The following DTX4 variants were observed in gnomAD, a reference collection of about 807,000 sequenced individuals.
The protein encoded by DTX4 is E3 ubiquitin-protein ligase DTX4.
A neutral mutation model predicts 57.6 loss-of-function variants in DTX4; 28 were observed. The ratio of observed to expected loss-of-function variants is 0.49; its 90% CI spans 0.36 to 0.67. DTX4 has a LOEUF of 0.67. Among genes scored for constraint, DTX4 ranks in the 30% least tolerant of loss-of-function variants. The pLI is 0.00. For synonymous variants in DTX4, 316 were observed against 331.0 expected (o/e 0.95, Z 0.49); for missense variants, 715 against 836.8 (o/e 0.85, Z 1.80).
chr11:59,190,188 C>T (rs1299557733), intron 4 of DTX4, among the ~76,000 whole-genome samples: 2 of 152,186 alleles, frequency 1.3e-5, no homozygotes, highest in Admixed American at 6.5e-5. Flanking sequence ...TTTTCCAGTC[C>T]GTCAAGATTT....
Position 59,182,328 on chromosome 11 carries a change from T to C in DTX4, c.801T>C (p.Thr267=). ...VIRRQASSMP[T]GTTMGSPASP... is the part of the protein sequence containing the mutation. ...GGAGACAAGCCTCCAGCATGCCCAC[T>C]GGGACAACCATGGGCTCTCCTGCCA... Residue 267 remains threonine (T), a synonymous_variant, in exon 2 of 9, where the codon ACT becomes ACC. Transcript: ENST00000227451. The C allele has an allele frequency of 6.2e-7, 1 of 1,612,706 alleles. No homozygotes were observed. The highest frequency in any genetic ancestry group is 2.2e-5 in the East Asian group (1 of 44,846).
chr11:59,207,855 A>G lies in DTX4; in HGVS notation c.*2946A>G, dbSNP rs1207568882. 3 of 151,154 alleles carry G rather than the reference A, an allele frequency of 2.0e-5. No individual in the cohort carries two copies. Among genetic ancestry groups the G allele is most frequent in the Admixed American group, 6.6e-5 (1 of 15,180 alleles). The allele number at this position is 151,154 out of a possible 1,614,324, so 9.4% of individuals were successfully genotyped here. A position where few individuals can be genotyped will look rare whatever the true frequency, so the allele number is the denominator to read the frequency against. Reference sequence around the variant, plus strand: ...GCCTTTGTGTTTTCATTCTCTTCCCATTTTTGTACATTTTGGTCTTCTCTG... The same window carrying G: ...GCCTTTGTGTTTTCATTCTCTTCCCGTTTTTGTACATTTTGGTCTTCTCTG... On this transcript the variant is annotated 3_prime_UTR_variant, in exon 9 of 9. Transcript: ENST00000227451.
chr11:59,201,247 C>G (rs562338515), intron 8 of DTX4, among the ~76,000 whole-genome samples: 61 of 152,348 alleles, frequency 4.0e-4, no homozygotes, highest in African/African-American at 1.5e-3. Context: ...CTAATCACCT[C>G]TCCAAGGACC....
chr11:59,198,018 G>A (rs2135524847), intron 7 of DTX4, among the ~76,000 whole-genome samples: 1 of 152,300 alleles, frequency 6.6e-6, no homozygotes, highest in South Asian at 2.1e-4. Context: ...CCACTGTTAG[G>A]ATCTACATTC....
At chr11:59,194,312 A>T (rs891795095) in intron 6 of DTX4, among the ~76,000 whole-genome samples, 3 of 152,252 alleles carry the variant, frequency 2.0e-5, no homozygotes, top group Non-Finnish European at 4.4e-5. Flanking sequence ...GATTTAAAGC[A>T]CTATAATTAC....
Position 59,172,190 on chromosome 11 carries a change from A to T in DTX4, c.-406A>T, listed in dbSNP as rs1397867926. ...CCGGCGTCTGCAGAGGCCGAGGCGC[A>T]ACTGGTGCGAGGGCTGGGTCCTTGC... On this transcript the variant is annotated 5_prime_UTR_variant, in exon 1 of 9. Transcript: ENST00000227451. Among the ~76,000 whole-genome samples the T allele has an allele frequency of 6.6e-6, 1 of 152,040 alleles. No individual in the cohort carries two copies. Among genetic ancestry groups the T allele is most frequent in the East Asian group, 1.9e-4 (1 of 5,148 alleles).
intron 1 of DTX4, among the ~76,000 whole-genome samples, chr11:59,174,003 C>CT (rs1340274098): frequency 6.6e-6 from 1 of 152,134 alleles, no homozygotes; most frequent in African/African-American, 2.4e-5. Context: ...CGGAAAGGCC[C>CT]TCCCCAGTGA....
intron 8 of DTX4, among the ~76,000 whole-genome samples, chr11:59,200,881 G>A (rs1001346640): frequency 4.6e-5 from 7 of 152,156 alleles, no homozygotes; most frequent in African/African-American, 1.4e-4. Context: ...CCAAATTTCC[G>A]CTGCTTACTT....
chr11:59,188,344 G>A lies in DTX4; in HGVS notation c.936-391G>A, dbSNP rs143254810. ...TAAGCCAGGACTGAAGGAGTTGTAG[G>A]AGGAAACTAAGCAGTTGTCTGGTGG... On this transcript the variant is annotated intron_variant, in intron 2 of 8. Coordinates refer to ENST00000227451, the MANE Select transcript of DTX4 (RefSeq NM_015177.2). Among the ~76,000 whole-genome samples, 3 of 152,290 alleles carry A rather than the reference G, an allele frequency of 2.0e-5. No individual in the cohort carries two copies. The East Asian group carries it at 5.8e-4, about 29-fold the overall frequency.
chr11:59,205,013 T>G lies in DTX4; in HGVS notation c.*104T>G. On this transcript the variant is annotated 3_prime_UTR_variant, in exon 9 of 9. Coordinates refer to ENST00000227451, the MANE Select transcript of DTX4 (RefSeq NM_015177.2). ...AGTTGGTGTCCTGCCCTCCCAACTTTCTATCCTCCCCTCCTGCCCTGTGTC... is the reference window on the plus strand; with the variant it reads ...AGTTGGTGTCCTGCCCTCCCAACTTGCTATCCTCCCCTCCTGCCCTGTGTC... The G allele has an allele frequency of 1.0e-6, 1 of 995,802 alleles. No individual in the cohort carries two copies. The highest frequency in any genetic ancestry group is 1.5e-6 in the Non-Finnish European group (1 of 665,714). The allele number at this position is 995,802 out of a possible 1,614,324, so 61.7% of individuals were successfully genotyped here.
intron 1 of DTX4, among the ~76,000 whole-genome samples, chr11:59,178,273 AG>A (rs949186725): frequency 1.3e-4 from 19 of 151,954 alleles, no homozygotes; most frequent in African/African-American, 4.1e-4. Context: ...GTTGGTGGGT[AG>A]GGGGGATTTA....
At position 59,182,101 on chromosome 11, in the gene DTX4, C is replaced by A; in HGVS notation, c.574C>A (p.Pro192Thr). Reference sequence around the variant, plus strand: ...GCCCCCCATGTCCCCCTGCTCCTGTCCCCAGTGTGTCTTGGTGATGAGTGT... The same window carrying A: ...GCCCCCCATGTCCCCCTGCTCCTGTACCCAGTGTGTCTTGGTGATGAGTGT... ...TSPPMSPCSC[P>T]QCVLVMSVKA... The change falls in exon 2 of 9, where the codon CCC (proline) becomes ACC (threonine). Residue 192 changes from proline to threonine, a missense_variant. Physicochemically the swap from Pro to Thr is conservative, Grantham distance 38 (BLOSUM62 -1). Transcript: ENST00000227451. 1 of 1,613,310 alleles carries A rather than the reference C, an allele frequency of 6.2e-7. No individual in the cohort carries two copies. The highest frequency in any genetic ancestry group is 8.5e-7 in the Non-Finnish European group (1 of 1,179,618).
In DTX4 at chr11:59,173,657, G is replaced by T. The variant is rs138748541; in HGVS notation, c.211+851G>T. Among the ~76,000 whole-genome samples, 5 of 152,216 alleles carry T rather than the reference G, an allele frequency of 3.3e-5. No individual in the cohort carries two copies. In the East Asian group the frequency reaches 9.7e-4, roughly 29 times the overall value. ...TAAGGAACCCATGGTCTCCTGGAGC[G>T]CCAAACTCCTATCTTTTCATGAGAA... On this transcript the variant is annotated intron_variant, in intron 1 of 8. Transcript: ENST00000227451.
Position 59,188,809 on chromosome 11 carries a change from C to T in DTX4, c.997+13C>T, listed in dbSNP as rs369426548. On this transcript the variant is annotated intron_variant, in intron 3 of 8. Coordinates refer to ENST00000227451, the MANE Select transcript of DTX4 (RefSeq NM_015177.2). Reference sequence around the variant, plus strand: ...CCTGCCTTGGCAGGTAAGAGAAACCCCAGGATGCTCTGGGTTAAGGTAGAG... The same window carrying T: ...CCTGCCTTGGCAGGTAAGAGAAACCTCAGGATGCTCTGGGTTAAGGTAGAG... 6.6e-5 allele frequency: 107 copies of T among 1,610,858 alleles called. No homozygotes were observed. The highest frequency in any genetic ancestry group is 8.4e-5 in the Non-Finnish European group (99 of 1,177,318).
chr11:59,196,230 A>G (rs1333283240), intron 7 of DTX4, among the ~76,000 whole-genome samples: 1 of 152,250 alleles, frequency 6.6e-6, no homozygotes, highest in African/African-American at 2.4e-5. Flanking sequence ...AGAAGCAATG[A>G]GCAAAGTAGA....
At chr11:59,184,029 TCCTCATTGTAC>T (rs1291229590) in intron 2 of DTX4, among the ~76,000 whole-genome samples, 1 of 152,226 alleles carries the variant, frequency 6.6e-6, no homozygotes, top group African/African-American at 2.4e-5. Context: ...AAAGCCCAGC[TCCTCATTGTAC>T]ACAAAGGCAG....
chr11:59,188,684 A>C (rs1862557792), intron 2 of DTX4, 51 bp from the exon 3 acceptor site: 1 of 1,499,172 alleles, frequency 6.7e-7, no homozygotes, highest in Non-Finnish European at 9.3e-7. Context: ...ATACTGGTCC[A>C]TTTTGTTCCA....
chr11:59,181,786 C>A lies in DTX4; in HGVS notation c.259C>A (p.Pro87Thr). Residue 87 changes from proline to threonine, a missense_variant, in exon 2 of 9, where the codon CCT becomes ACT. Physicochemically the swap from Pro to Thr is conservative, Grantham distance 38. Transcript: ENST00000227451. ...RRNYYDPSSA[P>T]GKGVVWEWEN... is the part of the protein sequence containing the mutation. ...CAACTACTACGACCCCTCCTCGGCC[C>A]CTGGGAAGGGCGTGGTGTGGGAGTG... The A allele has an allele frequency of 6.2e-7, 1 of 1,613,666 alleles. No homozygotes were observed. Among genetic ancestry groups the A allele is most frequent in the South Asian group, 1.1e-5 (1 of 91,072 alleles).
At chr11:59,197,983 C>T (rs1862695806) in intron 7 of DTX4, among the ~76,000 whole-genome samples, 1 of 152,162 alleles carries the variant, frequency 6.6e-6, no homozygotes, top group South Asian at 2.1e-4. Flanking sequence ...AAAACCCAAG[C>T]TCGTATCAAG....
Sources: gnomAD v4.1 joint callset for allele counts (sites outside exome capture counted in the v4.1 genomes callset) on GRCh38, gnomAD v4.1.1 for gene constraint, MANE v1.5 for transcripts, NCBI Gene and HGNC (gene_info 2026-07-23, HGNC 2026-07-21) for gene names.